Variants in GET4 observed in about 807,000 individuals in gnomAD.
The protein encoded by GET4 is guided entry of tail-anchored proteins factor 4.
Under a neutral mutation model 40.0 loss-of-function variants are expected in GET4, and 20 were observed. The observed-to-expected ratio is 0.50, with a 90% CI of 0.35 to 0.73. The LOEUF (loss-of-function observed/expected upper bound fraction) is 0.73. Among genes scored for constraint, GET4 ranks in the 30% least tolerant of loss-of-function variants. The pLI, the probability that GET4 is intolerant of heterozygous loss-of-function variation, is 0.01. For missense variants in GET4, 557 were observed against 454.0 expected (o/e 1.23, Z -2.06); for synonymous variants, 280 against 194.6 (o/e 1.44, Z -3.65).
At chr7:892,734 T>TG (rs1447471133) in intron 6 of GET4, among the ~76,000 whole-genome samples, 2 of 142,128 alleles carry the variant, frequency 1.4e-5, no homozygotes, top group South Asian at 2.3e-4. Flanking sequence ...TGCAGACGTC[T>TG]GGGGGGTTGT....
Position 893,978 on chromosome 7 carries a change from C to A in GET4, c.895+7C>A. The stretch of plus-strand genomic sequence containing the variant: ...TCCTACGGGGGCCTGCTCGGTAAGC[C>A]GGGGCGCCCTTGTCACACCCACTCC... On this transcript the variant is annotated splice_region_variant and intron_variant, in intron 8 of 8. Transcript: ENST00000265857. 1 of 1,574,952 alleles carries A rather than the reference C, an allele frequency of 6.3e-7. No homozygotes were observed.
chr7:889,180 C>A (rs938850378), intron 4 of GET4, among the ~76,000 whole-genome samples: 5 of 152,282 alleles, frequency 3.3e-5, no homozygotes, highest in African/African-American at 1.2e-4. Context: ...CAGAGATCCC[C>A]TGAAGAGGGG....
chr7:885,704 G>A (rs928660507), intron 1 of GET4: 6 of 218,206 alleles, frequency 2.7e-5, no homozygotes, highest in South Asian at 8.0e-5. Flanking sequence ...CTCTCAGGTG[G>A]CCACATGCAC....
At chr7:879,627 A>C (rs1191807689) in intron 1 of GET4, among the ~76,000 whole-genome samples, 1 of 152,174 alleles carries the variant, frequency 6.6e-6, no homozygotes, top group Non-Finnish European at 1.5e-5. Context: ...ACATAGTATA[A>C]ATACACACCA....
intron 1 of GET4, chr7:883,023 C>T (rs1490473373): frequency 6.6e-6 from 1 of 152,262 alleles, no homozygotes; most frequent in Non-Finnish European, 1.5e-5. Flanking sequence ...TCTCTTCAGT[C>T]ATCTAAAGAG....
chr7:884,179 TGTGGTGC>T lies in GET4; in HGVS notation c.156-1876_156-1870del, dbSNP rs1335775029. 31 of 1,297,610 alleles carry T rather than the reference TGTGGTGC, an allele frequency of 2.4e-5. No homozygotes were observed. In the Admixed American group the frequency reaches 6.9e-4, roughly 29 times the overall value. 80.4% of individuals were successfully genotyped at this position (1,297,610 alleles called of 1,614,324 possible). On this transcript the variant is annotated intron_variant, in intron 1 of 8. Coordinates refer to ENST00000265857, the MANE Select transcript of GET4 (RefSeq NM_015949.3). Reference sequence around the variant, plus strand: ...GTAGTATCGGCAAAGCAGAAGCTGGTGTGGTGCTTGCTCAGGGTCGGTGCATGCGGTT... The same window carrying T: ...GTAGTATCGGCAAAGCAGAAGCTGGTTTGCTCAGGGTCGGTGCATGCGGTT...
chr7:890,141 T>C (rs1467524920), intron 4 of GET4, among the ~76,000 whole-genome samples: 13 of 3,878 alleles, frequency 3.4e-3, no homozygotes, highest in African/African-American at 0.018. Context: ...TTAGGACGGG[T>C]CTGGGAGTGG....
At chr7:878,201 A>G in intron 1 of GET4, 1 of 465,858 alleles carries the variant, frequency 2.1e-6, no homozygotes, top group South Asian at 1.6e-5. Context: ...GGTTAACTGC[A>G]CGCCCCTCGG....
chr7:880,376 CAAAA>C (rs1442690394), intron 1 of GET4: 1 of 152,202 alleles, frequency 6.6e-6, no homozygotes, highest in Non-Finnish European at 1.5e-5. Context: ...GATTAACCAG[CAAAA>C]ATGGATCTCC....
chr7:885,916 A>C lies in GET4; in HGVS notation c.156-140A>C, dbSNP rs1844177838. Reference sequence around the variant, plus strand: ...CCAGGATAGACCCCCTCCACGCAGCACCTGGGCCCTGGGAGCGGCTGCTTT... The same window carrying C: ...CCAGGATAGACCCCCTCCACGCAGCCCCTGGGCCCTGGGAGCGGCTGCTTT... On this transcript the variant is annotated intron_variant, in intron 1 of 8. Coordinates refer to ENST00000265857, the MANE Select transcript of GET4 (RefSeq NM_015949.3). 1.0e-5 allele frequency: 7 copies of C among 671,526 alleles called. No homozygotes were observed. In the South Asian group the frequency reaches 1.2e-4, roughly 11 times the overall value. 41.6% of individuals were successfully genotyped at this position (671,526 alleles called of 1,614,324 possible).
At chr7:885,077 C>T (rs1211641587) in intron 1 of GET4, 2 of 152,244 alleles carry the variant, frequency 1.3e-5, no homozygotes, top group Non-Finnish European at 2.9e-5. Flanking sequence ...CCCCCGAATC[C>T]GGTGTGCACT....
intron 4 of GET4, among the ~76,000 whole-genome samples, chr7:890,687 T>G (rs1323814363): frequency 6.6e-6 from 1 of 152,068 alleles, no homozygotes; most frequent in East Asian, 1.9e-4. Context: ...CTCCAAGAGC[T>G]TGGAGAATCA....
chr7:893,810 A>G lies in GET4; in HGVS notation c.817A>G (p.Asn273Asp), dbSNP rs1844401331. The G allele has an allele frequency of 6.2e-7, 1 of 1,610,580 alleles. No homozygotes were observed. The highest frequency in any genetic ancestry group is 8.5e-7 in the Non-Finnish European group (1 of 1,177,302). Residue 273 changes from asparagine to aspartate, a missense_variant, in exon 7 of 9, where the codon AAC becomes GAC. Coordinates refer to ENST00000265857, the MANE Select transcript of GET4 (RefSeq NM_015949.3). ...ATCCCTCCGGCGGGACCCCATGTAC[A>G]ACGAGGTGAGAGCTTGGGGCTGGGG... ...QPSLRRDPMY[N>D]EYLDRIGQLF...
At position 891,086 on chromosome 7, in the gene GET4, C is replaced by T. The variant is rs955965593; in HGVS notation, c.605+20C>T. ...GCTACAGTAGGTGTCTGTGGCTCTTCGGGTCTCGGCTTCCATTGCTGCCTT... is the reference window on the plus strand; with the variant it reads ...GCTACAGTAGGTGTCTGTGGCTCTTTGGGTCTCGGCTTCCATTGCTGCCTT... On this transcript the variant is annotated intron_variant, in intron 5 of 8. Coordinates refer to ENST00000265857, the MANE Select transcript of GET4 (RefSeq NM_015949.3). 35 of 1,562,026 alleles carry T rather than the reference C, an allele frequency of 2.2e-5. No homozygotes were observed. Among genetic ancestry groups the T allele is most frequent in the Non-Finnish European group, 3.0e-5 (34 of 1,150,276 alleles).
At chr7:892,131 C>A (rs189087370) in intron 5 of GET4, 147 bp from the exon 6 acceptor site, 51 of 701,008 alleles carry the variant, frequency 7.3e-5, no homozygotes, top group Middle Eastern at 7.8e-4. Context: ...AGGGAAGACA[C>A]GCGTGAAGCA....
chr7:887,257 G>A (rs777399800), intron 3 of GET4, 113 bp from the exon 4 acceptor site: 5 of 1,091,584 alleles, frequency 4.6e-6, no homozygotes, highest in Non-Finnish European at 7.1e-6. Flanking sequence ...ACGCCCAGCA[G>A]GTTCCTCTCC....
intron 1 of GET4, chr7:880,376 C>G (rs555314858): frequency 1.3e-5 from 2 of 152,320 alleles, no homozygotes; most frequent in Admixed American, 1.3e-4. Context: ...GATTAACCAG[C>G]AAAAATGGAT....
In GET4 at chr7:889,089, G is replaced by A. The variant is rs138352301; in HGVS notation, c.466+1570G>A. 3.6e-3 allele frequency among the ~76,000 whole-genome samples: 549 copies of A among 152,374 alleles called. 3 individuals are homozygous for A. Among genetic ancestry groups the A allele is most frequent in the African/African-American group, 0.013 (523 of 41,590 alleles). ...CAAGCGATCATAAGGAGGGATGTAC[G>A]TGTCTCATCTCCCCACCCACCACGG... On this transcript the variant is annotated intron_variant, in intron 4 of 8. Transcript: ENST00000265857.
intron 5 of GET4, among the ~76,000 whole-genome samples, chr7:891,475 T>C (rs529823698): frequency 1.3e-5 from 2 of 151,744 alleles, no homozygotes; most frequent in East Asian, 1.9e-4. Context: ...CTCCGGGCGC[T>C]GTCTGCTCCT....
Sources: allele counts gnomAD v4.1 joint callset (sites outside exome capture counted in the v4.1 genomes callset), GRCh38; gene constraint gnomAD v4.1.1; transcripts MANE v1.5; gene names NCBI Gene and HGNC (gene_info 2026-07-23, HGNC 2026-07-21).